NBAS: variants seen among roughly 807,000 people sequenced by gnomAD.
NBAS encodes NBAS subunit of NRZ tethering complex, also known as NAG/BC035112 fusion.
A neutral mutation model predicts 302.5 loss-of-function variants in NBAS; 219 were observed. That is an observed-to-expected ratio of 0.72 (90% CI 0.65 to 0.81). NBAS has a LOEUF of 0.81. Among genes scored for constraint, NBAS ranks in the 30% least tolerant of loss-of-function variants. The pLI, the probability that NBAS is intolerant of heterozygous loss-of-function variation, is 0.00. For missense variants in NBAS, 2,932 were observed against 2,841.6 expected (o/e 1.03, Z -0.72); for synonymous variants, 1,118 against 1,021.6 (o/e 1.09, Z -1.80).
chr2:15,463,909 T>C (rs1214335925), intron 19 of NBAS, among the ~76,000 whole-genome samples: 4 of 152,114 alleles, frequency 2.6e-5, no homozygotes, highest in Non-Finnish European at 5.9e-5. Flanking sequence ...CTTAAGTCCT[T>C]CTTAGACACA....
the NBAS span, among the ~76,000 whole-genome samples, chr2:14,793,073 T>TCA: frequency 1.9e-3 from 282 of 145,944 alleles, 2 homozygotes; most frequent in African/African-American, 6.9e-3. Flanking sequence ...TCTGTTTCTC[T>TCA]CTCTCTCTCT....
At chr2:15,127,681 T>C in the NBAS span, among the ~76,000 whole-genome samples, 1 of 152,234 alleles carries the variant, frequency 6.6e-6, no homozygotes, top group East Asian at 1.9e-4. Flanking sequence ...CACTCACGCC[T>C]ACCCTTTTAT....
the NBAS span, among the ~76,000 whole-genome samples, chr2:14,805,285 A>C: frequency 6.6e-6 from 1 of 152,152 alleles, no homozygotes; most frequent in Admixed American, 6.5e-5. Context: ...AATAAGTTAA[A>C]TAGTGTCGCA....
chr2:15,477,873 G>C (rs578095692), intron 13 of NBAS, among the ~76,000 whole-genome samples: 1 of 152,228 alleles, frequency 6.6e-6, no homozygotes, highest in East Asian at 1.9e-4. Context: ...CAAAGACAAA[G>C]AAAGCCCCAC....
the NBAS span, among the ~76,000 whole-genome samples, chr2:14,875,672 A>C: frequency 6.6e-6 from 1 of 152,188 alleles, no homozygotes; most frequent in African/African-American, 2.4e-5. Flanking sequence ...TAAAATATTA[A>C]AATTAAAAAT....
chr2:14,888,165 CTGT>C, the NBAS span, among the ~76,000 whole-genome samples: 1 of 152,186 alleles, frequency 6.6e-6, no homozygotes, highest in African/African-American at 2.4e-5. Context: ...GAGTCTCACT[CTGT>C]TGCCCAGGCT....
intron 28 of NBAS, chr2:15,393,621 G>A (rs1198286924): frequency 1.3e-5 from 6 of 467,936 alleles, no homozygotes; most frequent in Admixed American, 4.7e-5. Context: ...AAATGAAAGC[G>A]TATGTCTACA....
chr2:15,245,608 AGGATGGATGGAT>A (rs57408257), intron 44 of NBAS, among the ~76,000 whole-genome samples: 9 of 148,038 alleles, frequency 6.1e-5, no homozygotes, highest in Middle Eastern at 3.3e-3. Context: ...GTTGAATGGA[AGGATGGATGGAT>A]GGATGGATGG....
chr2:14,919,831 T>C, the NBAS span, among the ~76,000 whole-genome samples: 1 of 152,214 alleles, frequency 6.6e-6, no homozygotes, highest in African/African-American at 2.4e-5. Flanking sequence ...ATTCTATTTT[T>C]CTTGTTATTT....
the NBAS span, chr2:14,886,663 T>C: frequency 6.6e-6 from 1 of 152,256 alleles, no homozygotes; most frequent in Non-Finnish European, 1.5e-5. Context: ...TATCATACCT[T>C]GAGCCAGTGT....
In NBAS at chr2:15,488,889, C is replaced by T. The variant is rs930469738; in HGVS notation, c.1083+5G>A. 38 of 1,613,410 alleles carry T rather than the reference C, an allele frequency of 2.4e-5. No homozygotes were observed. Among genetic ancestry groups the T allele is most frequent in the Non-Finnish European group, 2.9e-5 (34 of 1,179,554 alleles). On this transcript the variant is annotated splice_donor_5th_base_variant and intron_variant, in intron 12 of 51. Coordinates refer to ENST00000281513, the MANE Select transcript of NBAS (RefSeq NM_015909.4). ...GAGTATCATTCTAATAACCAAGAGA[C>T]GCACCTGCTCATTTTGACCCCATTC...
At chr2:15,459,225 G>A (rs1226586138) in intron 21 of NBAS, among the ~76,000 whole-genome samples, 3 of 152,080 alleles carry the variant, frequency 2.0e-5, no homozygotes, top group Non-Finnish European at 4.4e-5. Context: ...GGGTGGTATG[G>A]CCTAGACAAA....
chr2:15,444,849 T>G (rs1298962165), intron 21 of NBAS, among the ~76,000 whole-genome samples: 2 of 152,136 alleles, frequency 1.3e-5, no homozygotes, highest in Non-Finnish European at 2.9e-5. Flanking sequence ...GCAAAGGATA[T>G]GAACAGACAC....
chr2:15,281,557 C>A (rs1018792868), intron 42 of NBAS, among the ~76,000 whole-genome samples: 1 of 152,068 alleles, frequency 6.6e-6, no homozygotes, highest in African/African-American at 2.4e-5. Context: ...TTTTTTAACA[C>A]CTAATACATA....
At chr2:14,892,681 T>C in the NBAS span, among the ~76,000 whole-genome samples, 5,417 of 151,746 alleles carry the variant, frequency 0.036, 112 homozygotes, top group Middle Eastern at 0.14. Flanking sequence ...TTTTTTTTTT[T>C]CTTCTCTTTC....
intron 21 of NBAS, among the ~76,000 whole-genome samples, chr2:15,448,545 C>T (rs1678859058): frequency 6.6e-6 from 1 of 152,184 alleles, no homozygotes. Context: ...TTCCAGTACA[C>T]TATACTACTA....
intron 3 of NBAS, among the ~76,000 whole-genome samples, chr2:15,554,943 C>T (rs985376296): frequency 6.6e-5 from 10 of 151,908 alleles, no homozygotes; most frequent in African/African-American, 2.2e-4. Flanking sequence ...CGAAACTACT[C>T]ATCATAAGTG....
the NBAS span, among the ~76,000 whole-genome samples, chr2:15,022,383 C>G: frequency 0.012 from 1,892 of 152,238 alleles, 41 homozygotes; most frequent in African/African-American, 0.044. Flanking sequence ...ATCTCACTAC[C>G]CAAAATGTGG....
the NBAS span, among the ~76,000 whole-genome samples, chr2:14,895,741 A>G: frequency 4.8e-5 from 7 of 146,202 alleles, no homozygotes; most frequent in Non-Finnish European, 1.0e-4. Context: ...CTCCGTCTCA[A>G]AAAAAAAAAA....
Sources: allele counts gnomAD v4.1 joint callset (sites outside exome capture counted in the v4.1 genomes callset), GRCh38; gene constraint gnomAD v4.1.1; transcripts MANE v1.5; gene names NCBI Gene and HGNC (gene_info 2026-07-23, HGNC 2026-07-21).